Variants in MAGI2 observed in about 807,000 individuals in gnomAD.
MAGI2 encodes membrane associated guanylate kinase, WW and PDZ domain containing 2.
A neutral mutation model predicts 133.3 loss-of-function variants in MAGI2; 35 were observed. The ratio of observed to expected loss-of-function variants is 0.26; its 90% CI spans 0.20 to 0.35. The LOEUF is 0.35. MAGI2 is among the 10% of genes least tolerant of loss of function. MAGI2 has a pLI of 1.00. For synonymous variants in MAGI2, 729 were observed against 710.6 expected, an observed-to-expected ratio of 1.03 and a Z score of -0.41; for missense variants, 1,636 against 1,863.4, an observed-to-expected ratio of 0.88 and a Z score of 2.25.
intron 14 of MAGI2, among the ~76,000 whole-genome samples, chr7:78,169,495 C>T (rs1041179594): frequency 1.8e-4 from 2 of 11,074 alleles, no homozygotes; most frequent in Non-Finnish European, 3.5e-4. Flanking sequence ...TACTTAGTCT[C>T]ACTGCTCAGT....
At chr7:78,521,039 CTAATAT>C (rs1796451707) in intron 4 of MAGI2, among the ~76,000 whole-genome samples, 1 of 152,024 alleles carries the variant, frequency 6.6e-6, no homozygotes, top group South Asian at 2.1e-4. Flanking sequence ...TAGATTTTCT[CTAATAT>C]TAATTAACAG....
At chr7:78,853,329 G>GTT (rs1563581211) in intron 2 of MAGI2, among the ~76,000 whole-genome samples, 2 of 47,228 alleles carry the variant, frequency 4.2e-5, no homozygotes, top group East Asian at 5.8e-4. Flanking sequence ...TTGTCCATTC[G>GTT]TTCTTTTTTT....
intron 6 of MAGI2, among the ~76,000 whole-genome samples, chr7:78,390,149 T>G (rs1022986449): frequency 6.6e-6 from 1 of 152,190 alleles, no homozygotes; most frequent in African/African-American, 2.4e-5. Context: ...GATCCCAAAT[T>G]CCTCTCAAAC....
chr7:78,733,906 C>T (rs28670448), intron 2 of MAGI2, among the ~76,000 whole-genome samples: 1 of 152,072 alleles, frequency 6.6e-6, no homozygotes, highest in Non-Finnish European at 1.5e-5. Flanking sequence ...CTGTAATGGT[C>T]ACATATCTGA....
chr7:79,303,125 C>T (rs529736061), intron 1 of MAGI2, among the ~76,000 whole-genome samples: 2 of 151,968 alleles, frequency 1.3e-5, no homozygotes, highest in African/African-American at 2.4e-5. Context: ...ATACAATTTC[C>T]TTTAAATACC....
intron 2 of MAGI2, among the ~76,000 whole-genome samples, chr7:78,667,497 G>T (rs376196759): frequency 6.6e-6 from 1 of 151,266 alleles, no homozygotes; most frequent in South Asian, 2.1e-4. Flanking sequence ...CCATTAACTC[G>T]TTATTTAGCA....
Position 78,019,274 on chromosome 7 carries a change from T to G in MAGI2, c.*41A>C. 1 of 1,574,534 alleles carries G rather than the reference T, an allele frequency of 6.4e-7. No homozygotes were observed. Among genetic ancestry groups the G allele is most frequent in the Non-Finnish European group, 8.6e-7 (1 of 1,169,226 alleles). On this transcript the variant is annotated 3_prime_UTR_variant, in exon 22 of 22. Coordinates refer to ENST00000354212, the MANE Select transcript of MAGI2 (RefSeq NM_012301.4). ...CCGTGAGACGGAACCTAAGAAGAAC[T>G]GCCTGCGCCGGGGCGGGCGGGTTGG... is the stretch of plus-strand genomic sequence containing the variant.
In MAGI2 at chr7:78,738,051, A is replaced by T. The variant is rs184252208; in HGVS notation, c.419-110812T>A. 8.7e-5 allele frequency among the ~76,000 whole-genome samples: 10 copies of T among 114,798 alleles called. No individual in the cohort carries two copies. In the Admixed American group the frequency reaches 1.0e-3, roughly 11 times the overall value. 75.3% of individuals were successfully genotyped at this position (114,798 alleles called of 152,430 possible). A position where few individuals can be genotyped will look rare whatever the true frequency, so the allele number is the denominator to read the frequency against. ...CCAAAAAATAGAGGAATTATTCTCTAACAGAAAAAAGCTTTGGTACCATAA... is the reference window on the plus strand; with the variant it reads ...CCAAAAAATAGAGGAATTATTCTCTTACAGAAAAAAGCTTTGGTACCATAA... On this transcript the variant is annotated intron_variant, in intron 2 of 21. Coordinates refer to ENST00000354212, the MANE Select transcript of MAGI2 (RefSeq NM_012301.4).
rs112834719 is a variant in MAGI2 at position 79,059,598 on chromosome 7, T to C, written c.302-52392A>G. ...ATTTTGTTTAAATTTAAGTTGACCA[T>C]AGCATTAAGTTAATCAAATTTCTAT... On this transcript the variant is annotated intron_variant, in intron 1 of 21. Coordinates refer to ENST00000354212, the MANE Select transcript of MAGI2 (RefSeq NM_012301.4). Among the ~76,000 whole-genome samples the C allele has an allele frequency of 5.0e-3, 765 of 152,226 alleles. 12 individuals carry two copies. Among genetic ancestry groups the C allele is most frequent in the African/African-American group, 0.017 (720 of 41,570 alleles).
chr7:79,179,235 G>C (rs1208683213), intron 1 of MAGI2, among the ~76,000 whole-genome samples: 1 of 151,756 alleles, frequency 6.6e-6, no homozygotes, highest in East Asian at 1.9e-4. Flanking sequence ...GTTAAAAATT[G>C]TGAAAATTTA....
intron 6 of MAGI2, among the ~76,000 whole-genome samples, chr7:78,452,731 C>T (rs773253807): frequency 6.6e-6 from 1 of 151,066 alleles, no homozygotes; most frequent in African/African-American, 2.4e-5. Context: ...ATACCAAGTA[C>T]CAGGTACACA....
intron 1 of MAGI2, among the ~76,000 whole-genome samples, chr7:79,074,412 C>A (rs1235157321): frequency 1.3e-5 from 2 of 152,168 alleles, no homozygotes; most frequent in African/African-American, 2.4e-5. Context: ...TTTTACACAT[C>A]TAATTATTTC....
At chr7:78,484,865 A>T (rs2110627) in intron 6 of MAGI2, 69,385 of 151,658 alleles carry the variant, frequency 0.46, 16,546 homozygotes, top group East Asian at 0.74. Context: ...GGGCTCCCAA[A>T]GATTAAGTAC....
intron 2 of MAGI2, among the ~76,000 whole-genome samples, chr7:78,812,305 T>A (rs186099588): frequency 2.6e-5 from 4 of 152,208 alleles, no homozygotes; most frequent in African/African-American, 7.2e-5. Flanking sequence ...GTAAAAAATT[T>A]AAAAAAAGAA....
chr7:78,780,069 T>C (rs1826276012), intron 2 of MAGI2, among the ~76,000 whole-genome samples: 1 of 152,204 alleles, frequency 6.6e-6, no homozygotes, highest in African/African-American at 2.4e-5. Flanking sequence ...TGCAGATAAA[T>C]GTGAACAGTC....
intron 2 of MAGI2, among the ~76,000 whole-genome samples, chr7:78,905,137 C>T (rs563364624): frequency 6.6e-6 from 1 of 152,266 alleles, no homozygotes; most frequent in African/African-American, 2.4e-5. Context: ...AGTTTCAAAC[C>T]TTTATCATTA....
chr7:78,898,472 C>A (rs1162339333), intron 2 of MAGI2, among the ~76,000 whole-genome samples: 1 of 152,110 alleles, frequency 6.6e-6, no homozygotes. Context: ...ACTATGCAGC[C>A]ATAAAAAATG....
intron 16 of MAGI2, among the ~76,000 whole-genome samples, chr7:78,146,956 A>G (rs536924879): frequency 6.6e-6 from 1 of 152,312 alleles, no homozygotes; most frequent in Admixed American, 6.5e-5. Context: ...GAATTCCCCC[A>G]AGCCCTCCGG....
chr7:78,391,007 C>A (rs1192062207), intron 6 of MAGI2, among the ~76,000 whole-genome samples: 2 of 152,060 alleles, frequency 1.3e-5, no homozygotes, highest in East Asian at 3.9e-4. Flanking sequence ...CTTTCTGGGC[C>A]GTTTTTTCTT....
Sources: gnomAD v4.1 joint callset for allele counts (sites outside exome capture counted in the v4.1 genomes callset) on GRCh38, gnomAD v4.1.1 for gene constraint, MANE v1.5 for transcripts, NCBI Gene and HGNC (gene_info 2026-07-23, HGNC 2026-07-21) for gene names.